JMJD1C: variants seen among roughly 807,000 people sequenced by gnomAD.
The protein encoded by JMJD1C is jumonji domain-containing protein 1C.
In JMJD1C, 31 loss-of-function variants were observed where a neutral mutation model predicts 245.3. The observed-to-expected ratio is 0.13, with a 90% confidence interval of 0.09 to 0.17. The LOEUF (loss-of-function observed/expected upper bound fraction) is 0.17. JMJD1C is among the 10% of genes least tolerant of loss of function. The pLI is 1.00. For synonymous variants in JMJD1C, 1,057 were observed against 1,017.4 expected (o/e 1.04, Z -0.74); for missense variants, 2,691 against 3,000.2 (o/e 0.90, Z 2.41).
intron 1 of JMJD1C, chr10:63,427,787 A>G (rs901924654): frequency 2.4e-5 from 32 of 1,338,416 alleles, no homozygotes; most frequent in Non-Finnish European, 3.1e-5. Context: ...GGTTTTGAAT[A>G]TATCTTGGCA....
At chr10:63,296,937 G>A (rs557330035) in intron 2 of JMJD1C, among the ~76,000 whole-genome samples, 10 of 152,034 alleles carry the variant, frequency 6.6e-5, no homozygotes, top group Non-Finnish European at 1.5e-4. Context: ...CATAAATCAG[G>A]TTACACATTT....
intron 2 of JMJD1C, among the ~76,000 whole-genome samples, chr10:63,289,949 T>C (rs1291752387): frequency 2.0e-5 from 3 of 151,572 alleles, no homozygotes; most frequent in African/African-American, 7.3e-5. Context: ...AGTATGAAAA[T>C]CACAGAAGTT....
chr10:63,361,120 GT>G (rs1315000413), intron 2 of JMJD1C, among the ~76,000 whole-genome samples: 1 of 152,056 alleles, frequency 6.6e-6, no homozygotes, highest in Admixed American at 6.6e-5. Flanking sequence ...TTATTTTAAT[GT>G]TTTAAGAAAT....
At chr10:63,402,640 C>G (rs1050958883) in intron 1 of JMJD1C, among the ~76,000 whole-genome samples, 2 of 152,188 alleles carry the variant, frequency 1.3e-5, no homozygotes, top group Admixed American at 6.5e-5. Flanking sequence ...TCCAGAGCCC[C>G]AGCTTTAAGC....
chr10:63,208,635 C>T lies in JMJD1C; in HGVS notation c.3034G>A (p.Gly1012Arg). Reference sequence around the variant, plus strand: ...TCTTTGTATTTGTTTAACCTCTCTCCAGTCTCCTGGGGTGGCCTCTGTAAC... The same window carrying T: ...TCTTTGTATTTGTTTAACCTCTCTCTAGTCTCCTGGGGTGGCCTCTGTAAC... The part of the protein sequence containing the change: ...NQLQRPPQET[G>R]ERLNKYKEEH... The change falls in exon 10 of 26, where the codon GGA becomes AGA. Residue 1012 changes from glycine (G) to arginine (R), a missense_variant. By Grantham distance (125) the Gly-to-Arg change is moderately radical. This residue lies in a region of JMJD1C where 1,562 missense variants were observed against 1,490.7 expected (regional missense o/e 1.05). Transcript: ENST00000399262. 6.2e-7 allele frequency: 1 copy of T among 1,614,038 alleles called. No homozygotes were observed. Among genetic ancestry groups the T allele is most frequent in the Non-Finnish European group, 8.5e-7 (1 of 1,179,964 alleles).
chr10:63,325,250 T>C (rs2134132011), intron 2 of JMJD1C, among the ~76,000 whole-genome samples: 1 of 152,312 alleles, frequency 6.6e-6, no homozygotes, highest in African/African-American at 2.4e-5. Context: ...AATCAAAATA[T>C]TACTTGATAA....
chr10:63,450,181 C>A (rs1302763088), intron 1 of JMJD1C, among the ~76,000 whole-genome samples: 2 of 151,258 alleles, frequency 1.3e-5, no homozygotes, highest in Admixed American at 1.3e-4. Flanking sequence ...GTGAGAAAGG[C>A]AAAGAAACAA....
At chr10:63,400,265 A>G (rs533647925) in intron 1 of JMJD1C, among the ~76,000 whole-genome samples, 1 of 152,146 alleles carries the variant, frequency 6.6e-6, no homozygotes, top group African/African-American at 2.4e-5. Flanking sequence ...TCTTTAAGGC[A>G]TACTCCTAAG....
In JMJD1C at chr10:63,208,491, T is replaced by C. The variant is rs149833441; in HGVS notation, c.3178A>G (p.Lys1060Glu). 713 of 1,614,058 alleles carry C rather than the reference T, an allele frequency of 4.4e-4. 6 individuals carry two copies. In the East Asian group the frequency reaches 0.015, roughly 34 times the overall value. ...ATATCTTGTTTGATGATATGGCTTT[T>C]AGGACTGGAAGATGATGATGCCACT... ...SRVASSSSSP[K>E]SHIIKQDMDV... The change falls in exon 10 of 26, where the codon AAA (lysine) becomes GAA (glutamate). Residue 1060 changes from lysine to glutamate, a missense_variant. Physicochemically the swap from Lys to Glu is moderately conservative, Grantham distance 56. Coordinates refer to ENST00000399262, the MANE Select transcript of JMJD1C (RefSeq NM_032776.3).
intron 2 of JMJD1C, among the ~76,000 whole-genome samples, chr10:63,283,360 TC>T (rs1214574919): frequency 2.9e-5 from 4 of 138,122 alleles, no homozygotes; most frequent in African/African-American, 7.7e-5. Flanking sequence ...CCACCTGCTT[TC>T]TGAGCCTTTT....
intron 2 of JMJD1C, among the ~76,000 whole-genome samples, chr10:63,292,680 C>T (rs1238775109): frequency 9.9e-5 from 15 of 152,076 alleles, no homozygotes; most frequent in Admixed American, 9.8e-4. Context: ...AAAGCCAAAT[C>T]CACTTCGTCC....
Position 63,207,039 on chromosome 10 carries a change from G to A in JMJD1C, c.4630C>T (p.Pro1544Ser). 1 of 1,614,144 alleles carries A rather than the reference G, an allele frequency of 6.2e-7. No individual in the cohort carries two copies. Residue 1544 changes from proline (P) to serine (S), a missense_variant, in exon 10 of 26, where the codon CCA (proline) becomes TCA (serine). Physicochemically the swap from Pro to Ser is moderately conservative, Grantham distance 74 (BLOSUM62 -1). Transcript: ENST00000399262. ...TTTTTCAGTTTAGTATGGTAGTTTG[G>A]TTGACTTGTCTGGGAAGCTTGCCCA... ...GNGQASQTSQ[P>S]NYHTKLKKAW...
chr10:63,242,624 G>C (rs889668514), intron 3 of JMJD1C, among the ~76,000 whole-genome samples: 1 of 152,204 alleles, frequency 6.6e-6, no homozygotes, highest in Non-Finnish European at 1.5e-5. Context: ...AACTTGAAAG[G>C]CTGAGGCAGG....
chr10:63,246,309 A>T (rs751915406), intron 3 of JMJD1C, among the ~76,000 whole-genome samples: 6 of 152,194 alleles, frequency 3.9e-5, no homozygotes, highest in Non-Finnish European at 8.8e-5. Context: ...CGAAGAGAGG[A>T]TCCTAAAAGA....
intron 3 of JMJD1C, among the ~76,000 whole-genome samples, chr10:63,256,405 ATATT>A (rs1853937735): frequency 6.6e-6 from 1 of 152,236 alleles, no homozygotes; most frequent in African/African-American, 2.4e-5. Flanking sequence ...AGGTAATAGA[ATATT>A]TAAATAGAAT....
chr10:63,175,141 T>A (rs893517311), intron 24 of JMJD1C, among the ~76,000 whole-genome samples: 2 of 152,222 alleles, frequency 1.3e-5, no homozygotes, highest in Non-Finnish European at 2.9e-5. Context: ...AAAAGATTTA[T>A]AATACTAGTC....
intron 1 of JMJD1C, among the ~76,000 whole-genome samples, chr10:63,407,519 A>T (rs756507549): frequency 1.3e-5 from 2 of 152,208 alleles, no homozygotes; most frequent in African/African-American, 2.4e-5. Context: ...TCTCAAATAG[A>T]TAAGATGACA....
intron 2 of JMJD1C, among the ~76,000 whole-genome samples, chr10:63,298,889 C>T (rs1406440526): frequency 1.3e-5 from 2 of 152,006 alleles, no homozygotes; most frequent in Non-Finnish European, 2.9e-5. Flanking sequence ...CCCACCACCA[C>T]GCCTGGCTTT....
intron 1 of JMJD1C, among the ~76,000 whole-genome samples, chr10:63,405,718 T>C (rs996693828): frequency 6.6e-6 from 1 of 152,166 alleles, no homozygotes; most frequent in Non-Finnish European, 1.5e-5. Context: ...TGTCAATAAT[T>C]CTAATAAGAA....
Sources: allele counts gnomAD v4.1 joint callset (sites outside exome capture counted in the v4.1 genomes callset), GRCh38; gene constraint gnomAD v4.1.1; regional missense constraint gnomAD v4.1.1; transcripts MANE v1.5; gene names NCBI Gene and HGNC (gene_info 2026-07-23, HGNC 2026-07-21).